The following ZEB2 variants were observed in gnomAD, a reference collection of about 807,000 sequenced individuals.
ZEB2 encodes zinc finger E-box binding homeobox 2.
A neutral mutation model predicts 99.9 loss-of-function variants in ZEB2; 6 were observed. The ratio of observed to expected loss-of-function variants is 0.06; its 90% CI spans 0.03 to 0.12. ZEB2 has a LOEUF of 0.12. Ranked by LOEUF, ZEB2 falls within the 10% of genes least tolerant of loss-of-function variation. The pLI is 1.00. For synonymous variants in ZEB2, 517 were observed against 542.5 expected (o/e 0.95, Z 0.65); for missense variants, 969 against 1,502.8 (o/e 0.64, Z 5.87).
At chr2:144,471,326 A>G (rs1704352127) in intron 2 of ZEB2, among the ~76,000 whole-genome samples, 1 of 152,152 alleles carries the variant, frequency 6.6e-6, no homozygotes, top group Non-Finnish European at 1.5e-5. Context: ...AAAGGGAAAG[A>G]GGATCAAACA....
At chr2:144,503,813 C>T (rs934988461) in intron 2 of ZEB2, 1 of 152,028 alleles carries the variant, frequency 6.6e-6, no homozygotes, top group African/African-American at 2.4e-5. Context: ...TTTTAAACAA[C>T]TTAATACGTG....
intron 3 of ZEB2, chr2:144,427,904 C>A (rs962318277): frequency 6.6e-6 from 1 of 152,162 alleles, no homozygotes; most frequent in Admixed American, 6.5e-5. Flanking sequence ...ACAGGGTCTG[C>A]AATGCATTCA....
At chr2:144,394,193 T>C in intron 9 of ZEB2, among the ~76,000 whole-genome samples, 1 of 152,218 alleles carries the variant, frequency 6.6e-6, no homozygotes, top group Non-Finnish European at 1.5e-5. Context: ...AGTGCTGGGA[T>C]TATAGGCATG....
At chr2:144,460,386 A>G (rs1486867322) in intron 2 of ZEB2, among the ~76,000 whole-genome samples, 2 of 151,772 alleles carry the variant, frequency 1.3e-5, no homozygotes, top group Admixed American at 6.6e-5. Flanking sequence ...CTATTTATTT[A>G]TTTATTTTTT....
intron 2 of ZEB2, among the ~76,000 whole-genome samples, chr2:144,485,745 AG>A (rs2149916598): frequency 6.6e-6 from 1 of 152,180 alleles, no homozygotes; most frequent in East Asian, 1.9e-4. Context: ...CAGCCTCCCA[AG>A]TAGCTAGGAT....
intron 2 of ZEB2, chr2:144,448,792 T>G (rs773224580): frequency 2.0e-5 from 3 of 152,162 alleles, no homozygotes; most frequent in Non-Finnish European, 4.4e-5. Context: ...AATCAGGCCT[T>G]CATTTTGAAC....
intron 9 of ZEB2, among the ~76,000 whole-genome samples, chr2:144,393,036 A>G (rs193213952): frequency 1.3e-5 from 2 of 152,366 alleles, no homozygotes; most frequent in East Asian, 3.9e-4. Flanking sequence ...GGGTTTCAAA[A>G]GCACCTACCA....
chr2:144,496,253 A>G (rs928196550), intron 2 of ZEB2: 2 of 152,240 alleles, frequency 1.3e-5, no homozygotes, highest in African/African-American at 4.8e-5. Flanking sequence ...CATAAGGCCG[A>G]GGAAGGCCTT....
chr2:144,423,602 A>T (rs1210565259), intron 4 of ZEB2, among the ~76,000 whole-genome samples: 1 of 152,154 alleles, frequency 6.6e-6, no homozygotes, highest in Non-Finnish European at 1.5e-5. Context: ...GTGTGTAAAA[A>T]TTAGGATTCT....
In ZEB2 at chr2:144,399,725, C is replaced by T. The variant is rs1392383826; in HGVS notation, c.1462G>A (p.Gly488Ser). ...GAGCATGGATCCTTCATGTGATAACCTTTCAACTTTGAAATTTCTTCAGCC... is the reference window on the plus strand; with the variant it reads ...GAGCATGGATCCTTCATGTGATAACTTTTCAACTTTGAAATTTCTTCAGCC... ...CKAEEISKLKGYHMKDPCSQP... is the reference protein window; with the variant it reads ...CKAEEISKLKSYHMKDPCSQP... Residue 488 changes from glycine (G) to serine (S), a missense_variant, in exon 8 of 10, where the codon GGT becomes AGT. Transcript: ENST00000627532. The surrounding 1 kb of genome is among the most constrained non-coding windows in gnomAD (Gnocchi z 5.6). The T allele has an allele frequency of 6.2e-7, 1 of 1,613,790 alleles. No homozygotes were observed. The highest frequency in any genetic ancestry group is 8.5e-7 in the Non-Finnish European group (1 of 1,179,906).
At chr2:144,440,488 T>A in intron 2 of ZEB2, among the ~76,000 whole-genome samples, 1 of 60,798 alleles carries the variant, frequency 1.6e-5, no homozygotes, top group South Asian at 4.6e-4. Context: ...AAAAGCAGTA[T>A]ATATATATAT....
In ZEB2 at chr2:144,389,328, T is replaced by A. The variant is rs1162164017; in HGVS notation, c.*123A>T. 5.1e-6 allele frequency: 6 copies of A among 1,182,558 alleles called. No homozygotes were observed. The highest frequency in any genetic ancestry group is 7.5e-6 in the Non-Finnish European group (6 of 799,076). 73.3% of individuals were successfully genotyped at this position (1,182,558 alleles called of 1,614,324 possible). ...TGTCTTGGCTGAACCGCCCCTTCTG[T>A]CCCTCTCTACAGCTTCCTGGAAGCG... On this transcript the variant is annotated 3_prime_UTR_variant, in exon 10 of 10. Coordinates refer to ENST00000627532, the MANE Select transcript of ZEB2 (RefSeq NM_014795.4). The surrounding 1 kb of genome is among the most constrained non-coding windows in gnomAD (Gnocchi z 6.8).
At chr2:144,447,003 G>GCCC (rs1313882540) in intron 2 of ZEB2, among the ~76,000 whole-genome samples, 13 of 142,178 alleles carry the variant, frequency 9.1e-5, no homozygotes, top group African/African-American at 3.2e-4. Context: ...GTGACAGAGT[G>GCCC]AGACACTGTT....
chr2:144,412,904 C>T (rs139841360), intron 4 of ZEB2, among the ~76,000 whole-genome samples: 1 of 152,274 alleles, frequency 6.6e-6, no homozygotes, highest in East Asian at 1.9e-4. Flanking sequence ...TTTGTGTCAC[C>T]AGCACCTAGC....
chr2:144,418,711 A>C (rs200140996), intron 4 of ZEB2, among the ~76,000 whole-genome samples: 15,434 of 148,460 alleles, frequency 0.1, 913 homozygotes, highest in East Asian at 0.16. Flanking sequence ...ACAAACAAAA[A>C]AAAAAAAAAA....
Position 144,426,079 on chromosome 2 carries a change from C to G in ZEB2, c.332-1212G>C, listed in dbSNP as rs544244428. ...ATCATGATCCTCTTAAGGTAAAATA[C>G]ACAGATATACCTGGATGCTAATTTA... On this transcript the variant is annotated intron_variant, in intron 3 of 9. Coordinates refer to ENST00000627532, the MANE Select transcript of ZEB2 (RefSeq NM_014795.4). Among the ~76,000 whole-genome samples the G allele has an allele frequency of 1.6e-4, 24 of 152,216 alleles. No individual in the cohort carries two copies. The East Asian group carries it at 4.0e-3, about 26-fold the overall frequency.
intron 7 of ZEB2, 99 bp from the exon 8 acceptor site, chr2:144,400,369 A>C: frequency 7.8e-7 from 1 of 1,286,674 alleles, no homozygotes; most frequent in Non-Finnish European, 1.1e-6. Flanking sequence ...CAAAAGGAAC[A>C]CAATGGGGTA....
chr2:144,461,185 G>T (rs1238110731), intron 2 of ZEB2: 1 of 150,476 alleles, frequency 6.6e-6, no homozygotes, highest in Non-Finnish European at 1.5e-5. Context: ...CATGTAAATT[G>T]TGAGCGATTG....
chr2:144,491,836 C>T (rs1461691244), intron 2 of ZEB2, among the ~76,000 whole-genome samples: 1 of 152,188 alleles, frequency 6.6e-6, no homozygotes, highest in African/African-American at 2.4e-5. Context: ...TGAAGCTATA[C>T]TCTAAACTGC....
Sources: allele counts gnomAD v4.1 joint callset (sites outside exome capture counted in the v4.1 genomes callset), GRCh38; gene constraint gnomAD v4.1.1; non-coding constraint Gnocchi (gnomAD v3.1); transcripts MANE v1.5; gene names NCBI Gene and HGNC (gene_info 2026-07-23, HGNC 2026-07-21).